Variants in SCEL observed in about 807,000 individuals in gnomAD.
SCEL encodes the protein sciellin.
In SCEL, 113 loss-of-function variants were observed where a neutral mutation model predicts 117.6. The ratio of observed to expected loss-of-function variants is 0.96; its 90% CI spans 0.83 to 1.12. The LOEUF is 1.12. SCEL is among the 50% of genes most tolerant of loss of function. The pLI, the probability that SCEL is intolerant of heterozygous loss-of-function variation, is 0.00. For missense variants in SCEL, 785 were observed against 810.8 expected (o/e 0.97, Z 0.39); for synonymous variants, 270 against 256.2 (o/e 1.05, Z -0.51).
chr13:77,568,823 A>T (rs1298244792), intron 7 of SCEL, among the ~76,000 whole-genome samples: 1 of 152,200 alleles, frequency 6.6e-6, no homozygotes, highest in Non-Finnish European at 1.5e-5. Flanking sequence ...CCCAAATCAG[A>T]CAGATTTATA....
In SCEL at chr13:77,627,956, C is replaced by A; in HGVS notation, c.1638C>A (p.Asn546Lys). The A allele has an allele frequency of 1.4e-6, 2 of 1,462,100 alleles. No homozygotes were observed. The highest frequency in any genetic ancestry group is 1.9e-6 in the Non-Finnish European group (2 of 1,066,806). The allele number at this position is 1,462,100 out of a possible 1,614,324, so 90.6% of individuals were successfully genotyped here. A position where few individuals can be genotyped will look rare whatever the true frequency, so the allele number is the denominator to read the frequency against. Residue 546 changes from asparagine to lysine, a missense_variant, in exon 28 of 33, where the codon AAC becomes AAA. Coordinates refer to ENST00000349847, the MANE Select transcript of SCEL (RefSeq NM_144777.3). ...ATATTTTTTTCCTTAGAGACCAGAA[C>A]CTGGAAAATTTAATTGAAGTAAATT... ...SALRNTNRDQ[N>K]LENLIEVNSH... is the part of the protein sequence containing the mutation.
rs371215878 is a variant in SCEL, at chr13:77,572,106, C to A, written c.480-18C>A. On this transcript the variant is annotated intron_variant, in intron 8 of 32. Coordinates refer to ENST00000349847, the MANE Select transcript of SCEL (RefSeq NM_144777.3). ...GCCTTTCAATCACAATGTTTATTAC[C>A]GTGTCATTTCTTAACAGGCAGTCCT... The A allele has an allele frequency of 3.8e-5, 61 of 1,604,688 alleles. No individual in the cohort carries two copies. The highest frequency in any genetic ancestry group is 4.8e-5 in the Non-Finnish European group (56 of 1,172,094).
intron 28 of SCEL, among the ~76,000 whole-genome samples, chr13:77,632,224 T>C (rs1458768919): frequency 6.6e-6 from 1 of 152,258 alleles, no homozygotes; most frequent in Non-Finnish European, 1.5e-5. Context: ...TGTTGGCAAA[T>C]CACTTATCTC....
intron 21 of SCEL, 46 bp downstream of exon 21, chr13:77,609,163 C>T (rs543978424): frequency 7.3e-7 from 1 of 1,379,252 alleles, no homozygotes; most frequent in African/African-American, 1.5e-5. Flanking sequence ...TAACCAATGC[C>T]TAAAAGTATA....
Position 77,644,521 on chromosome 13 carries a change from AAGGAG to A in SCEL, c.*248_*252del, listed in dbSNP as rs2090705529. 3 of 453,774 alleles carry A rather than the reference AAGGAG, an allele frequency of 6.6e-6. No individual in the cohort carries two copies. Among genetic ancestry groups the A allele is most frequent in the Non-Finnish European group, 1.2e-5 (3 of 249,988 alleles). The allele number at this position is 453,774 out of a possible 1,614,324, so 28.1% of individuals were successfully genotyped here. A position where few individuals can be genotyped will look rare whatever the true frequency, so the allele number is the denominator to read the frequency against. ...CAAATGGTTCCAGATTCCAGTGTCA[AAGGAG>A]TGATGCATTACACTCCAGCCAGGTC... On this transcript the variant is annotated 3_prime_UTR_variant, in exon 33 of 33. Coordinates refer to ENST00000349847, the MANE Select transcript of SCEL (RefSeq NM_144777.3).
intron 3 of SCEL, among the ~76,000 whole-genome samples, 190 bp from the exon 4 acceptor site, chr13:77,559,614 G>A (rs1459607152): frequency 6.6e-6 from 1 of 152,116 alleles, no homozygotes; most frequent in Non-Finnish European, 1.5e-5. Flanking sequence ...TGACAAACTT[G>A]TTTCTTTTCT....
chr13:77,583,631 T>C (rs532123482), intron 9 of SCEL, among the ~76,000 whole-genome samples: 7 of 152,338 alleles, frequency 4.6e-5, no homozygotes, highest in African/African-American at 1.7e-4. Context: ...GAGAATTGGT[T>C]GTCTACAGTA....
intron 30 of SCEL, 107 bp from the exon 31 acceptor site, chr13:77,640,569 G>T: frequency 2.3e-6 from 1 of 441,156 alleles, no homozygotes; most frequent in African/African-American, 2.0e-5. Context: ...ATTTTCTAAA[G>T]TAAAGTATCA....
intron 9 of SCEL, among the ~76,000 whole-genome samples, chr13:77,579,066 G>A (rs1048617241): frequency 3.9e-5 from 6 of 152,272 alleles, no homozygotes; most frequent in African/African-American, 1.4e-4. Flanking sequence ...TGTAATGAGA[G>A]GTAGGTAGGG....
chr13:77,565,052 A>G (rs953026224), intron 5 of SCEL, among the ~76,000 whole-genome samples: 1 of 152,216 alleles, frequency 6.6e-6, no homozygotes, highest in Non-Finnish European at 1.5e-5. Flanking sequence ...CCCTATTTCT[A>G]GGAATGAATT....
rs2084870706 is a variant in SCEL, at chr13:77,559,792, C to G, written c.162-12C>G. On this transcript the variant is annotated splice_polypyrimidine_tract_variant and intron_variant, in intron 3 of 32. Transcript: ENST00000349847. ...ACTTTCTATGTGACATACTTTTGTT[C>G]TTTCTTTGCAGAGATGAAAATTACG... 1 of 1,612,106 alleles carries G rather than the reference C, an allele frequency of 6.2e-7. No individual in the cohort carries two copies. Among genetic ancestry groups the G allele is most frequent in the Non-Finnish European group, 8.5e-7 (1 of 1,178,662 alleles).
chr13:77,599,445 C>T lies in SCEL; in HGVS notation c.857+57C>T, dbSNP rs1010415834. On this transcript the variant is annotated intron_variant, in intron 14 of 32. Transcript: ENST00000349847. Reference sequence around the variant, plus strand: ...TACCTTGCAGATTGCTCGTCTTATTCCCTCAGACATTAGCTGCAAGGGGGT... The same window carrying T: ...TACCTTGCAGATTGCTCGTCTTATTTCCTCAGACATTAGCTGCAAGGGGGT... 29 of 1,413,290 alleles carry T rather than the reference C, an allele frequency of 2.1e-5. No individual in the cohort carries two copies. The African/African-American group carries it at 3.7e-4, about 18-fold the overall frequency. 87.5% of individuals were successfully genotyped at this position (1,413,290 alleles called of 1,614,324 possible).
intron 15 of SCEL, among the ~76,000 whole-genome samples, chr13:77,601,700 C>A (rs1248654960): frequency 1.3e-5 from 2 of 152,064 alleles, no homozygotes; most frequent in African/African-American, 4.8e-5. Flanking sequence ...TTGATTTCTA[C>A]CCCTGATGTA....
intron 4 of SCEL, among the ~76,000 whole-genome samples, chr13:77,563,066 C>G (rs958958917): frequency 3.9e-5 from 6 of 152,146 alleles, no homozygotes; most frequent in Non-Finnish European, 7.4e-5. Flanking sequence ...TCCTTTGCTT[C>G]CATGATCACG....
intron 22 of SCEL, among the ~76,000 whole-genome samples, chr13:77,611,682 A>AT (rs1400146218): frequency 6.6e-6 from 1 of 152,068 alleles, no homozygotes; most frequent in Admixed American, 6.6e-5. Flanking sequence ...TGGTAGTGAG[A>AT]TTTTTTACTT....
chr13:77,594,406 A>G (rs2087101879), intron 12 of SCEL, among the ~76,000 whole-genome samples: 1 of 152,196 alleles, frequency 6.6e-6, no homozygotes, highest in Admixed American at 6.5e-5. Flanking sequence ...GGCTTTGTTT[A>G]TACCACATGG....
chr13:77,536,235 G>A (rs1279723698), intron 1 of SCEL, among the ~76,000 whole-genome samples: 1 of 152,084 alleles, frequency 6.6e-6, no homozygotes, highest in Non-Finnish European at 1.5e-5. Flanking sequence ...GTGAAATAGT[G>A]AACTCAAATA....
chr13:77,590,996 T>A (rs1469197639), intron 10 of SCEL, among the ~76,000 whole-genome samples: 1 of 152,136 alleles, frequency 6.6e-6, no homozygotes, highest in African/African-American at 2.4e-5. Flanking sequence ...ACAAATATAT[T>A]TCTTGATAGT....
intron 5 of SCEL, among the ~76,000 whole-genome samples, chr13:77,565,543 G>T (rs2085241600): frequency 1.3e-5 from 2 of 152,190 alleles, no homozygotes; most frequent in African/African-American, 4.8e-5. Context: ...GAACACAGGG[G>T]TTAGTAAAGA....
Sources: gnomAD v4.1 joint callset for allele counts (sites outside exome capture counted in the v4.1 genomes callset) on GRCh38, gnomAD v4.1.1 for gene constraint, MANE v1.5 for transcripts, NCBI Gene and HGNC (gene_info 2026-07-23, HGNC 2026-07-21) for gene names.